PUM1: variants seen among roughly 807,000 people sequenced by gnomAD.
PUM1 encodes pumilio homolog 1.
PUM1 carries 13 observed loss-of-function variants against 131.8 expected under a neutral mutation model. The observed-to-expected ratio is 0.10, with a 90% CI of 0.06 to 0.16. The LOEUF (loss-of-function observed/expected upper bound fraction) is 0.16. Among genes scored for constraint, PUM1 ranks in the 10% least tolerant of loss-of-function variants. PUM1 has a pLI of 1.00. For missense variants in PUM1, 961 were observed against 1,512.4 expected, an observed-to-expected ratio of 0.64 and a Z score of 6.05; for synonymous variants, 509 against 556.5, an observed-to-expected ratio of 0.91 and a Z score of 1.20.
At chr1:31,019,929 G>C (rs1297964101) in intron 3 of PUM1, among the ~76,000 whole-genome samples, 1 of 151,638 alleles carries the variant, frequency 6.6e-6, no homozygotes, top group Non-Finnish European at 1.5e-5. Flanking sequence ...TTTAGATTCA[G>C]AGAGCAAATG....
At chr1:31,030,330 T>C (rs530601034) in intron 2 of PUM1, among the ~76,000 whole-genome samples, 1 of 152,254 alleles carries the variant, frequency 6.6e-6, no homozygotes, top group East Asian at 1.9e-4. Context: ...TACCTTCCAA[T>C]GTCTGTTTAC....
Position 31,065,636 on chromosome 1 carries a change from G to A in PUM1, c.-32C>T, listed in dbSNP as rs1342827604. ...CTCACGGGCGGAGCGGTAGGATGAAGATGGATTTCAGCCCCCCGATCTTCT... is the reference window on the plus strand; with the variant it reads ...CTCACGGGCGGAGCGGTAGGATGAAAATGGATTTCAGCCCCCCGATCTTCT... On this transcript the variant is annotated 5_prime_UTR_variant, in exon 1 of 22. Coordinates refer to ENST00000426105, the MANE Select transcript of PUM1 (RefSeq NM_001020658.2). The A allele has an allele frequency of 1.3e-5, 20 of 1,548,994 alleles. No homozygotes were observed. The highest frequency in any genetic ancestry group is 5.9e-5 in the Admixed American group (3 of 50,956).
chr1:31,035,343 A>T, intron 2 of PUM1, among the ~76,000 whole-genome samples: 1 of 151,902 alleles, frequency 6.6e-6, no homozygotes, highest in Admixed American at 6.6e-5. Context: ...CAGTGAGCCG[A>T]GACTGCACCA....
Position 30,992,440 on chromosome 1 carries a change from C to A in PUM1, c.1108G>T (p.Asp370Tyr). Residue 370 changes from aspartate to tyrosine, a missense_variant, in exon 7 of 22, where the codon GAC (aspartate) becomes TAC (tyrosine). By Grantham distance (160) the Asp-to-Tyr change is radical. Around this residue, in one of 4 missense-constraint regions of PUM1, gnomAD observed 654 missense variants for 923.9 expected, o/e 0.71. Transcript: ENST00000426105. The part of the protein sequence containing the change: ...FDYSGTQVPV[D>Y]SAAATVGLFD... Reference sequence around the variant, plus strand: ...AGTCCCACAGTTGCTGCTGCTGAGTCCACAGGTACCTGCGTGCCTGAATAA... The same window carrying A: ...AGTCCCACAGTTGCTGCTGCTGAGTACACAGGTACCTGCGTGCCTGAATAA... 2 of 1,614,150 alleles carry A rather than the reference C, an allele frequency of 1.2e-6. No individual in the cohort carries two copies. The highest frequency in any genetic ancestry group is 1.7e-6 in the Non-Finnish European group (2 of 1,180,024).
At chr1:31,017,092 A>G (rs909378879) in intron 3 of PUM1, among the ~76,000 whole-genome samples, 1 of 152,204 alleles carries the variant, frequency 6.6e-6, no homozygotes, top group Non-Finnish European at 1.5e-5. Context: ...AAATTTCAGT[A>G]TTTGAAGTAC....
intron 16 of PUM1, among the ~76,000 whole-genome samples, chr1:30,950,919 T>C (rs1457772678): frequency 6.6e-6 from 1 of 152,206 alleles, no homozygotes; most frequent in African/African-American, 2.4e-5. Context: ...TGTTTTGAAA[T>C]AGTATTCTAC....
intron 5 of PUM1, 85 bp downstream of exon 5, chr1:31,005,768 C>G (rs1326043928): frequency 7.7e-7 from 1 of 1,297,180 alleles, no homozygotes; most frequent in East Asian, 2.4e-5. Context: ...ACTAAACAGG[C>G]ATGTTTTGCT....
At chr1:30,950,315 G>A in intron 16 of PUM1, 54 bp from the exon 17 acceptor site, 1 of 1,566,064 alleles carries the variant, frequency 6.4e-7, no homozygotes. Context: ...AAATAAACCA[G>A]AGAAAGCAAA....
Position 30,986,563 on chromosome 1 carries a change from A to AATC in PUM1, c.1159-5161_1159-5159dup, listed in dbSNP as rs541046734. ...CCATGCTGCTAAACTAAAAAAAAAA[A>AATC]ATCATCATCATCATCATCTGTGCAT... On this transcript the variant is annotated intron_variant, in intron 7 of 21. Transcript: ENST00000426105. Among the ~76,000 whole-genome samples the AATC allele has an allele frequency of 2.8e-4, 42 of 152,154 alleles. No homozygotes were observed. The East Asian group carries it at 6.8e-3, about 24-fold the overall frequency.
At chr1:30,942,187 T>TTGAAGG in intron 18 of PUM1, 64 bp from the exon 19 acceptor site, 1 of 396,842 alleles carries the variant, frequency 2.5e-6, no homozygotes, top group Non-Finnish European at 4.3e-6. Flanking sequence ...TGCTTCAGTA[T>TTGAAGG]TGTTTATATA....
intron 17 of PUM1, among the ~76,000 whole-genome samples, chr1:30,949,775 T>C (rs531796739): frequency 2.6e-5 from 4 of 152,026 alleles, no homozygotes; most frequent in African/African-American, 7.2e-5. Context: ...AGTAAAAAAA[T>C]ATGGAAGGTG....
intron 1 of PUM1, among the ~76,000 whole-genome samples, chr1:31,060,865 G>A (rs542769689): frequency 4.0e-5 from 6 of 150,296 alleles, no homozygotes; most frequent in South Asian, 2.1e-4. Flanking sequence ...CAGCCTGGGC[G>A]ACAAATCGAG....
intron 2 of PUM1, among the ~76,000 whole-genome samples, chr1:31,058,251 C>A (rs1644290664): frequency 6.6e-6 from 1 of 152,200 alleles, no homozygotes; most frequent in Admixed American, 6.6e-5. Flanking sequence ...AAAATCAAGT[C>A]ACCCACACCC....
rs1481540831 is a variant in PUM1, at chr1:30,933,353, A to G, written c.3436-11T>C. The G allele has an allele frequency of 1.2e-6, 2 of 1,600,758 alleles. No individual in the cohort carries two copies. Among genetic ancestry groups the G allele is most frequent in the East Asian group, 2.3e-5 (1 of 43,768 alleles). ...GATGTGGGGCCGGATCTGGGGAGGAAAGACAGTCTGTGTTACATGGCCTGA... is the reference window on the plus strand; with the variant it reads ...GATGTGGGGCCGGATCTGGGGAGGAGAGACAGTCTGTGTTACATGGCCTGA... On this transcript the variant is annotated splice_polypyrimidine_tract_variant and intron_variant, in intron 21 of 21. Transcript: ENST00000426105.
intron 21 of PUM1, 64 bp from the exon 22 acceptor site, chr1:30,933,406 ACATGCATTTGCATGT>A: frequency 6.7e-7 from 1 of 1,496,786 alleles, no homozygotes; most frequent in East Asian, 2.5e-5. Flanking sequence ...GGCTTCCCGG[ACATGCATTTGCATGT>A]CATGCATCAC....
chr1:31,038,984 ATTTTTTTTTT>A (rs35507851), intron 2 of PUM1, among the ~76,000 whole-genome samples: 2 of 49,422 alleles, frequency 4.0e-5, no homozygotes, highest in African/African-American at 4.2e-4. Flanking sequence ...ATATATATAT[ATTTTTTTTTT>A]TTTTTTCCTT....
chr1:30,992,119 A>AT (rs1557574199), intron 7 of PUM1, among the ~76,000 whole-genome samples: 1 of 152,222 alleles, frequency 6.6e-6, no homozygotes, highest in African/African-American at 2.4e-5. Context: ...ACAAGAGGCA[A>AT]TACTACCTCA....
intron 8 of PUM1, 64 bp from the exon 9 acceptor site, chr1:30,980,227 T>A: frequency 7.8e-7 from 1 of 1,280,866 alleles, no homozygotes; most frequent in Non-Finnish European, 1.1e-6. Context: ...ATCAAATACC[T>A]ACACAGTTTC....
chr1:31,039,614 T>C (rs1643753656), intron 2 of PUM1, among the ~76,000 whole-genome samples: 2 of 152,190 alleles, frequency 1.3e-5, no homozygotes, highest in South Asian at 2.1e-4. Flanking sequence ...TATAAAAAGA[T>C]GTTAGGCTGG....
Sources: allele counts gnomAD v4.1 joint callset (sites outside exome capture counted in the v4.1 genomes callset), GRCh38; gene constraint gnomAD v4.1.1; regional missense constraint gnomAD v4.1.1; transcripts MANE v1.5; gene names NCBI Gene and HGNC (gene_info 2026-07-23, HGNC 2026-07-21).